The following GPR161 variants were observed in gnomAD, a reference collection of about 807,000 sequenced individuals.
GPR161 encodes the protein G-protein coupled receptor RE2.
A neutral mutation model predicts 39.2 loss-of-function variants in GPR161; 25 were observed. The observed-to-expected ratio is 0.64, with a 90% CI of 0.47 to 0.89. The LOEUF (loss-of-function observed/expected upper bound fraction) is 0.89. Among genes scored for constraint, GPR161 ranks in the 40% least tolerant of loss-of-function variants. The pLI is 0.00. For synonymous variants in GPR161, 286 were observed against 276.6 expected (o/e 1.03, Z -0.34); for missense variants, 547 against 677.8 (o/e 0.81, Z 2.14).
intron 1 of GPR161, among the ~76,000 whole-genome samples, chr1:168,124,665 A>G (rs189828630): frequency 6.6e-6 from 1 of 152,338 alleles, no homozygotes; most frequent in Non-Finnish European, 1.5e-5. Flanking sequence ...AGACTGGTAA[A>G]GGTCATTTAT....
At chr1:168,115,815 G>A (rs1339030773) in intron 1 of GPR161, among the ~76,000 whole-genome samples, 9 of 150,788 alleles carry the variant, frequency 6.0e-5, no homozygotes, top group East Asian at 3.9e-4. Context: ...TTGCACTGTC[G>A]CCCAGGCTGG....
intron 3 of GPR161, among the ~76,000 whole-genome samples, chr1:168,093,385 A>T (rs1695243185): frequency 6.6e-6 from 1 of 152,140 alleles, no homozygotes; most frequent in Non-Finnish European, 1.5e-5. Flanking sequence ...ACCACTGATT[A>T]TGGCTGAAAT....
Position 168,087,612 on chromosome 1 carries a change from A to T in GPR161, c.1297T>A (p.Phe433Ile), listed in dbSNP as rs1171759529. ...TTGATTTGTTCCACTTCATCCTCAAATGTCACCGAGCTCCTTCTCTTGGGT... is the reference window on the plus strand; with the variant it reads ...TTGATTTGTTCCACTTCATCCTCAATTGTCACCGAGCTCCTTCTCTTGGGT... ...CPPKRRSSVT[F>I]EDEVEQIKEA... The change falls in exon 5 of 6, where the codon TTT (phenylalanine) becomes ATT (isoleucine). Residue 433 changes from phenylalanine to isoleucine, a missense_variant. Coordinates refer to ENST00000682931, the MANE Select transcript of GPR161 (RefSeq NM_001375883.1). 2 of 1,614,092 alleles carry T rather than the reference A, an allele frequency of 1.2e-6. No homozygotes were observed. Among genetic ancestry groups the T allele is most frequent in the South Asian group, 1.1e-5 (1 of 91,080 alleles).
rs1391586226 is a variant in GPR161 at position 168,098,793 on chromosome 1, G to T, written c.375-1561C>A. ...TTACAGAATCACTGCACAGTGGCTG[G>T]GTAAGGTGATTACTGTCTTTCGCTG... On this transcript the variant is annotated intron_variant, in intron 2 of 5. Coordinates refer to ENST00000682931, the MANE Select transcript of GPR161 (RefSeq NM_001375883.1). The surrounding 1 kb of genome is among the most constrained non-coding windows in gnomAD (Gnocchi z 4.1). Among the ~76,000 whole-genome samples, 3 of 152,216 alleles carry T rather than the reference G, an allele frequency of 2.0e-5. No homozygotes were observed. The highest frequency in any genetic ancestry group is 7.2e-5 in the African/African-American group (3 of 41,454).
intron 1 of GPR161, among the ~76,000 whole-genome samples, chr1:168,117,950 G>T (rs2102220577): frequency 6.6e-6 from 1 of 151,996 alleles, no homozygotes; most frequent in Non-Finnish European, 1.5e-5. Flanking sequence ...GCATTTTATT[G>T]ACCTATGGGG....
chr1:168,123,476 ATCTG>A (rs1317630654), intron 1 of GPR161, among the ~76,000 whole-genome samples: 25 of 151,738 alleles, frequency 1.6e-4, no homozygotes, highest in African/African-American at 5.1e-4. Context: ...ATATGTATGT[ATCTG>A]TCTATCTATC....
At chr1:168,110,924 C>CAA (rs34703966) in intron 1 of GPR161, among the ~76,000 whole-genome samples, 2,815 of 131,602 alleles carry the variant, frequency 0.021, 74 homozygotes, top group East Asian at 0.075. Flanking sequence ...AACTCTATCT[C>CAA]AAAAAAAAAA....
chr1:168,135,688 C>A (rs997515638), intron 1 of GPR161, among the ~76,000 whole-genome samples: 1 of 152,206 alleles, frequency 6.6e-6, no homozygotes, highest in African/African-American at 2.4e-5. Flanking sequence ...TGAATCCACG[C>A]CTGGCTCCAC....
intron 3 of GPR161, among the ~76,000 whole-genome samples, chr1:168,095,679 C>T (rs1434507421): frequency 6.6e-6 from 1 of 152,002 alleles, no homozygotes; most frequent in African/African-American, 2.4e-5. Context: ...CTGAGGAGAT[C>T]ACTGATCTGT....
chr1:168,132,830 C>T (rs909086116), intron 1 of GPR161, among the ~76,000 whole-genome samples: 5 of 152,038 alleles, frequency 3.3e-5, no homozygotes, highest in African/African-American at 7.2e-5. Flanking sequence ...CTGCAACCTC[C>T]GCCTCCTGGG....
chr1:168,110,577 GAAAAGAAAAGAAAAGA>G lies in GPR161; in HGVS notation c.-44-5699_-44-5684del, dbSNP rs1438253595. 8.0e-3 allele frequency among the ~76,000 whole-genome samples: 888 copies of G among 110,580 alleles called. 48 individuals carry two copies. Among genetic ancestry groups the G allele is most frequent in the African/African-American group, 0.034 (746 of 21,722 alleles). The allele number at this position is 110,580 out of a possible 152,430, so 72.5% of individuals were successfully genotyped here. Reference sequence around the variant, plus strand: ...GAAAAGAAAAGAAAAGAAAAGAAAAGAAAAGAAAAGAAAAGAAAAGAGACAATAAAACCAATACAAG... The same window carrying G: ...GAAAAGAAAAGAAAAGAAAAGAAAAGAAAGAGACAATAAAACCAATACAAG... On this transcript the variant is annotated intron_variant, in intron 1 of 5. Coordinates refer to ENST00000682931, the MANE Select transcript of GPR161 (RefSeq NM_001375883.1).
rs10670498 is a variant in GPR161 at position 168,108,486 on chromosome 1, TAAAAAAAAA to T, written c.-44-3601_-44-3593del. Among the ~76,000 whole-genome samples, 62 of 17,480 alleles carry T rather than the reference TAAAAAAAAA, an allele frequency of 3.5e-3. 1 individual carries two copies. The highest frequency in any genetic ancestry group is 0.018 in the South Asian group (3 of 168). 11.5% of individuals were successfully genotyped at this position (17,480 alleles called of 152,430 possible). On this transcript the variant is annotated intron_variant, in intron 1 of 5. Coordinates refer to ENST00000682931, the MANE Select transcript of GPR161 (RefSeq NM_001375883.1). ...ATTTTATCCACTGAGGCCCTAGTTG[TAAAAAAAAA>T]AAAAAAAAAAAAAAAAACTGGAAAT...
In GPR161 at chr1:168,096,935, A is replaced by G. The variant is rs1471925496; in HGVS notation, c.672T>C (p.Cys224=). ...CCTCCTCCACGATGACGACTGTGCC[A>G]CAGTGCACCTTGCGTGCCTTGACCC... ...VARVKARKVH[C]GTVVIVEEDA... The change falls in exon 3 of 6, where the codon TGT becomes TGC. Residue 224 remains cysteine (C), a synonymous_variant. Coordinates refer to ENST00000682931, the MANE Select transcript of GPR161 (RefSeq NM_001375883.1). 6.2e-7 allele frequency: 1 copy of G among 1,614,140 alleles called. No individual in the cohort carries two copies. Among genetic ancestry groups the G allele is most frequent in the African/African-American group, 1.3e-5 (1 of 75,036 alleles).
rs373560142 is a variant in GPR161, at chr1:168,128,306, C to T, written c.-45+8433G>A. Among the ~76,000 whole-genome samples the T allele has an allele frequency of 6.1e-4, 93 of 152,330 alleles. 1 individual carries two copies. The South Asian group carries it at 0.018, about 29-fold the overall frequency. Reference sequence around the variant, plus strand: ...CTCACTATCCTACATCACTGATTCTCAATCCCCATTCTCCAGATCCCGCAC... The same window carrying T: ...CTCACTATCCTACATCACTGATTCTTAATCCCCATTCTCCAGATCCCGCAC... On this transcript the variant is annotated intron_variant, in intron 1 of 5. Transcript: ENST00000682931.
chr1:168,098,967 C>T lies in GPR161; in HGVS notation c.375-1735G>A, dbSNP rs137967507. 0.011 allele frequency among the ~76,000 whole-genome samples: 1,746 copies of T among 152,298 alleles called. 40 individuals are homozygous for T. Among genetic ancestry groups the T allele is most frequent in the African/African-American group, 0.039 (1,639 of 41,556 alleles). On this transcript the variant is annotated intron_variant, in intron 2 of 5. Transcript: ENST00000682931. The surrounding 1 kb of genome is among the most constrained non-coding windows in gnomAD (Gnocchi z 4.1). ...ATGTAACCTCTCAGAGCTTCAGTTC[C>T]CTCATCTGGAAAATGGGAATTCTGG...
At chr1:168,096,015 T>G (rs1211451489) in intron 3 of GPR161, among the ~76,000 whole-genome samples, 4 of 151,034 alleles carry the variant, frequency 2.6e-5, no homozygotes, top group African/African-American at 9.8e-5. Flanking sequence ...GTGCCTATAA[T>G]CCCAGCTACT....
At chr1:168,132,497 A>T (rs1228629819) in intron 1 of GPR161, among the ~76,000 whole-genome samples, 1 of 150,626 alleles carries the variant, frequency 6.6e-6, no homozygotes, top group Non-Finnish European at 1.5e-5. Context: ...CTGAGGCAGG[A>T]GAATGGCGTG....
intron 1 of GPR161, among the ~76,000 whole-genome samples, chr1:168,134,244 G>A (rs1699200185): frequency 6.6e-6 from 1 of 152,080 alleles, no homozygotes; most frequent in Admixed American, 6.6e-5. Context: ...CTTTACCCCT[G>A]GCCAACTGCA....
At chr1:168,127,769 T>G (rs1485612451) in intron 1 of GPR161, among the ~76,000 whole-genome samples, 1 of 152,192 alleles carries the variant, frequency 6.6e-6, no homozygotes, top group Non-Finnish European at 1.5e-5. Flanking sequence ...CACCTCCCAC[T>G]GGGTTCCTCC....
Sources: gnomAD v4.1 joint callset for allele counts (sites outside exome capture counted in the v4.1 genomes callset) on GRCh38, gnomAD v4.1.1 for gene constraint, Gnocchi (gnomAD v3.1) non-coding constraint, MANE v1.5 for transcripts, NCBI Gene and HGNC (gene_info 2026-07-23, HGNC 2026-07-21) for gene names.